The following FER variants were observed in gnomAD, a reference collection of about 807,000 sequenced individuals.
FER encodes the protein tyrosine-protein kinase Fer.
In FER, 63 loss-of-function variants were observed where a neutral mutation model predicts 111.0. That is an observed-to-expected ratio of 0.57 (90% CI 0.46 to 0.70). FER has a LOEUF of 0.70. Ranked by LOEUF, FER falls within the 30% of genes least tolerant of loss-of-function variation. FER has a pLI of 0.00. For synonymous variants in FER, 327 were observed against 313.9 expected (o/e 1.04, Z -0.44); for missense variants, 914 against 954.0 (o/e 0.96, Z 0.55).
chr5:108,878,288 C>CA (rs1765300191), intron 8 of FER, among the ~76,000 whole-genome samples: 2 of 152,168 alleles, frequency 1.3e-5, no homozygotes, highest in South Asian at 4.1e-4. Context: ...TAAAATCTTA[C>CA]AAAAAGGTAT....
chr5:108,812,785 A>G lies in FER; in HGVS notation c.207+14396A>G, dbSNP rs556667276. ...CTATAGTATACATCTATAACTTACT[A>G]TAAGTCTGTATTTCAGTGATATGTA... On this transcript the variant is annotated intron_variant, in intron 3 of 19. Transcript: ENST00000281092. Among the ~76,000 whole-genome samples the G allele has an allele frequency of 9.2e-5, 14 of 152,184 alleles. No individual in the cohort carries two copies. In the South Asian group the frequency reaches 2.3e-3, roughly 25 times the overall value.
At chr5:109,132,997 A>G (rs1461461553) in intron 17 of FER, among the ~76,000 whole-genome samples, 1 of 152,180 alleles carries the variant, frequency 6.6e-6, no homozygotes, top group Non-Finnish European at 1.5e-5. Context: ...ATGTGTCCTC[A>G]TATGTAGTTT....
intron 17 of FER, among the ~76,000 whole-genome samples, chr5:109,137,953 T>C (rs1753085450): frequency 6.6e-6 from 1 of 152,208 alleles, no homozygotes; most frequent in Admixed American, 6.5e-5. Context: ...TCCCGCAAGA[T>C]GTACTGGGCC....
At chr5:108,830,415 C>A (rs544421007) in intron 3 of FER, among the ~76,000 whole-genome samples, 12 of 152,244 alleles carry the variant, frequency 7.9e-5, no homozygotes, top group East Asian at 1.9e-4. Flanking sequence ...GATTGCGTGA[C>A]TGCACTCCAG....
intron 13 of FER, among the ~76,000 whole-genome samples, chr5:109,026,066 T>A (rs1392254810): frequency 6.6e-6 from 1 of 152,176 alleles, no homozygotes; most frequent in African/African-American, 2.4e-5. Flanking sequence ...AATATTCATA[T>A]GTGTACAGAA....
At chr5:108,856,112 A>C (rs1268102636) in intron 5 of FER, among the ~76,000 whole-genome samples, 1 of 152,170 alleles carries the variant, frequency 6.6e-6, no homozygotes, top group Admixed American at 6.5e-5. Flanking sequence ...TAAATAGATT[A>C]GTCTTCACTT....
intron 3 of FER, among the ~76,000 whole-genome samples, chr5:108,814,249 A>G (rs1375040990): frequency 6.6e-6 from 1 of 152,022 alleles, no homozygotes; most frequent in Non-Finnish European, 1.5e-5. Flanking sequence ...TTCATTTTTT[A>G]ATTTATTTTA....
Position 109,079,044 on chromosome 5 carries a change from G to T in FER, c.1925-21352G>T, listed in dbSNP as rs72796549. ...GTCTTACCACAACCATACCCACATA[G>T]TTGAATATCAGATTGAGTGAGTTAT... is the stretch of plus-strand genomic sequence containing the variant. On this transcript the variant is annotated intron_variant, in intron 16 of 19. Coordinates refer to ENST00000281092, the MANE Select transcript of FER (RefSeq NM_005246.4). Among the ~76,000 whole-genome samples the T allele has an allele frequency of 1.0e-2, 1,522 of 152,232 alleles. 17 individuals carry two copies. Among genetic ancestry groups the T allele is most frequent in the Middle Eastern group, 0.054 (16 of 294 alleles).
chr5:109,111,381 T>G (rs748897990), intron 17 of FER, among the ~76,000 whole-genome samples: 8 of 152,116 alleles, frequency 5.3e-5, no homozygotes, highest in Admixed American at 2.0e-4. Flanking sequence ...CTATTATGTT[T>G]GGTATAAAAA....
At chr5:108,881,575 G>T (rs1274517669) in intron 8 of FER, among the ~76,000 whole-genome samples, 1 of 152,150 alleles carries the variant, frequency 6.6e-6, no homozygotes, top group African/African-American at 2.4e-5. Flanking sequence ...TAGGCTGGAT[G>T]GCTGAAACAA....
chr5:108,848,348 T>A (rs1036035617), intron 5 of FER, among the ~76,000 whole-genome samples: 4 of 152,240 alleles, frequency 2.6e-5, no homozygotes, highest in African/African-American at 7.2e-5. Context: ...TTAGGTTTAA[T>A]CTGTCATTTT....
intron 13 of FER, among the ~76,000 whole-genome samples, chr5:108,980,356 A>G (rs1761894123): frequency 6.6e-6 from 1 of 152,156 alleles, no homozygotes; most frequent in Admixed American, 6.5e-5. Flanking sequence ...GGAAGGCCAT[A>G]GAGAAGAGTA....
intron 17 of FER, among the ~76,000 whole-genome samples, chr5:109,134,186 TG>T (rs1460900762): frequency 6.6e-6 from 1 of 152,002 alleles, no homozygotes; most frequent in African/African-American, 2.4e-5. Flanking sequence ...TCCATTGTGT[TG>T]GTATAATAAA....
chr5:108,988,828 T>C (rs1004629350), intron 13 of FER, among the ~76,000 whole-genome samples: 5 of 152,114 alleles, frequency 3.3e-5, no homozygotes, highest in Non-Finnish European at 7.4e-5. Flanking sequence ...GTTTCTTTTC[T>C]TGTGATAGGT....
At chr5:108,899,368 G>A (rs1310807085) in intron 10 of FER, among the ~76,000 whole-genome samples, 1 of 152,020 alleles carries the variant, frequency 6.6e-6, no homozygotes, top group Non-Finnish European at 1.5e-5. Flanking sequence ...TAAGTATCTG[G>A]CATATGTGTT....
At chr5:108,836,248 T>C (rs900633913) in intron 5 of FER, among the ~76,000 whole-genome samples, 1 of 152,150 alleles carries the variant, frequency 6.6e-6, no homozygotes, top group African/African-American at 2.4e-5. Flanking sequence ...TATGTGTCTA[T>C]ATTGCCCTAA....
chr5:108,964,444 C>T (rs1336953155), intron 13 of FER, among the ~76,000 whole-genome samples: 3 of 152,056 alleles, frequency 2.0e-5, no homozygotes, highest in African/African-American at 4.8e-5. Flanking sequence ...GAACAGATGC[C>T]AGCAGCAAAC....
chr5:108,871,825 G>A (rs542225874), intron 7 of FER, among the ~76,000 whole-genome samples: 86 of 151,384 alleles, frequency 5.7e-4, no homozygotes, highest in Middle Eastern at 3.5e-3. Flanking sequence ...TTTATGATGC[G>A]CCAAATACTT....
intron 8 of FER, among the ~76,000 whole-genome samples, chr5:108,873,266 C>T (rs1764776067): frequency 6.6e-6 from 1 of 152,100 alleles, no homozygotes; most frequent in Non-Finnish European, 1.5e-5. Context: ...GCCTCAGCCT[C>T]CTGAGTAGCT....
Sources: allele counts gnomAD v4.1 joint callset (sites outside exome capture counted in the v4.1 genomes callset), GRCh38; gene constraint gnomAD v4.1.1; transcripts MANE v1.5; gene names NCBI Gene and HGNC (gene_info 2026-07-23, HGNC 2026-07-21).